ADGRB3: variants seen among roughly 807,000 people sequenced by gnomAD.
ADGRB3 encodes brain-specific angiogenesis inhibitor 3.
In ADGRB3, 37 loss-of-function variants were observed where a neutral mutation model predicts 193.4. The observed-to-expected ratio is 0.19, with a 90% CI of 0.15 to 0.25. The LOEUF is 0.25. Ranked by LOEUF, ADGRB3 falls within the 10% of genes least tolerant of loss-of-function variation. The pLI is 1.00. For missense variants in ADGRB3, 1,637 were observed against 1,852.9 expected (o/e 0.88, Z 2.14); for synonymous variants, 690 against 644.2 (o/e 1.07, Z -1.08).
intron 20 of ADGRB3, among the ~76,000 whole-genome samples, chr6:69,305,728 A>G (rs1768054849): frequency 6.6e-6 from 1 of 151,274 alleles, no homozygotes; most frequent in African/African-American, 2.4e-5. Context: ...GAAATAATCC[A>G]CACTGGGCTC....
At chr6:68,723,883 C>T (rs1765627775) in intron 3 of ADGRB3, among the ~76,000 whole-genome samples, 2 of 151,480 alleles carry the variant, frequency 1.3e-5, no homozygotes, top group Admixed American at 1.3e-4. Context: ...ATTTGAGTGT[C>T]AGTATCTAAG....
chr6:69,108,386 TG>T (rs1286638277), intron 17 of ADGRB3, among the ~76,000 whole-genome samples: 4 of 115,734 alleles, frequency 3.5e-5, no homozygotes, highest in East Asian at 1.0e-3. Context: ...GCAAGCTTCT[TG>T]TTTTTTTTTT....
chr6:69,054,827 C>A (rs1295660614), intron 15 of ADGRB3, among the ~76,000 whole-genome samples: 2 of 152,072 alleles, frequency 1.3e-5, no homozygotes, highest in African/African-American at 2.4e-5. Context: ...CAGCTGTCAA[C>A]TGATTTTAGT....
intron 23 of ADGRB3, chr6:69,332,125 A>G: frequency 2.0e-6 from 2 of 985,402 alleles, no homozygotes; most frequent in Non-Finnish European, 2.4e-6. Context: ...TTGATCAGAA[A>G]GTGTTGGTAG....
At chr6:69,068,386 TTTAA>T (rs1292747022) in intron 16 of ADGRB3, among the ~76,000 whole-genome samples, 3 of 152,218 alleles carry the variant, frequency 2.0e-5, no homozygotes, top group Non-Finnish European at 4.4e-5. Flanking sequence ...AATCTAGTTA[TTTAA>T]TTAATCTATT....
intron 17 of ADGRB3, among the ~76,000 whole-genome samples, chr6:69,163,147 A>G (rs1561939003): frequency 6.6e-6 from 1 of 152,068 alleles, no homozygotes; most frequent in Non-Finnish European, 1.5e-5. Context: ...AATCATCTCA[A>G]AGAGAGAGAA....
intron 3 of ADGRB3, among the ~76,000 whole-genome samples, chr6:68,648,743 A>G (rs1160567942): frequency 1.3e-5 from 2 of 148,942 alleles, no homozygotes; most frequent in Non-Finnish European, 3.0e-5. Flanking sequence ...ATTTCATGAC[A>G]TTTCTCCTGG....
chr6:69,185,766 C>T (rs950776148), intron 17 of ADGRB3, among the ~76,000 whole-genome samples: 12 of 152,128 alleles, frequency 7.9e-5, no homozygotes, highest in Non-Finnish European at 1.6e-4. Context: ...GCAAAGTATA[C>T]ATGATGACTT....
At chr6:69,340,156 A>G (rs1241589295) in intron 26 of ADGRB3, among the ~76,000 whole-genome samples, 1 of 152,206 alleles carries the variant, frequency 6.6e-6, no homozygotes, top group Non-Finnish European at 1.5e-5. Flanking sequence ...TCTCTGGATC[A>G]TGATTGAGGT....
At chr6:68,679,855 A>T (rs928160036) in intron 3 of ADGRB3, among the ~76,000 whole-genome samples, 15 of 152,226 alleles carry the variant, frequency 9.9e-5, no homozygotes, top group African/African-American at 3.6e-4. Flanking sequence ...CACTTAAAAA[A>T]TAGTCAAATA....
intron 20 of ADGRB3, among the ~76,000 whole-genome samples, chr6:69,297,404 C>CTATA (rs1210023821): frequency 4.8e-5 from 7 of 144,902 alleles, no homozygotes; most frequent in African/African-American, 7.8e-5. Context: ...CTCTCTCTCT[C>CTATA]TCTCTCTATA....
chr6:69,347,927 G>A (rs984840727), intron 26 of ADGRB3, among the ~76,000 whole-genome samples: 1 of 152,148 alleles, frequency 6.6e-6, no homozygotes, highest in Admixed American at 6.5e-5. Flanking sequence ...ACACAGGCAA[G>A]GACAATATGC....
At chr6:68,731,645 CAT>C (rs1287066377) in intron 3 of ADGRB3, among the ~76,000 whole-genome samples, 2 of 151,410 alleles carry the variant, frequency 1.3e-5, no homozygotes, top group African/African-American at 2.4e-5. Context: ...TAGTCACAAA[CAT>C]AGTTTAAAAC....
intron 3 of ADGRB3, among the ~76,000 whole-genome samples, chr6:68,727,437 A>G (rs1238217842): frequency 6.6e-6 from 1 of 151,638 alleles, no homozygotes; most frequent in East Asian, 1.9e-4. Context: ...AATTGCACCA[A>G]AATGTGATCA....
rs188358351 is a variant in ADGRB3 at position 69,103,436 on chromosome 6, T to G, written c.2480+27398T>G. Among the ~76,000 whole-genome samples, 351 of 152,300 alleles carry G rather than the reference T, an allele frequency of 2.3e-3. 10 individuals are homozygous for G. The highest frequency in any genetic ancestry group is 0.02 in the Admixed American group (302 of 15,292). On this transcript the variant is annotated intron_variant, in intron 17 of 31. Transcript: ENST00000370598. ...ATTTTTGTAGATTTAATTATGTATG[T>G]CATAACTAGAGTATGCCAACTTTCT...
chr6:69,042,740 A>T (rs633787), intron 13 of ADGRB3, among the ~76,000 whole-genome samples: 3,971 of 152,322 alleles, frequency 0.026, 68 homozygotes, highest in Non-Finnish European at 0.041. Context: ...AAGCAATTCC[A>T]TTTTGATAAC....
At chr6:69,369,357 C>A (rs928271596) in intron 29 of ADGRB3, among the ~76,000 whole-genome samples, 11 of 152,210 alleles carry the variant, frequency 7.2e-5, no homozygotes, top group African/African-American at 2.6e-4. Context: ...ATTGAATGTT[C>A]TTATTCTTTC....
At chr6:68,855,372 C>T (rs952973400) in intron 3 of ADGRB3, among the ~76,000 whole-genome samples, 18 of 152,038 alleles carry the variant, frequency 1.2e-4, no homozygotes, top group African/African-American at 4.1e-4. Context: ...CTTTGTGATC[C>T]ATAAAATTAA....
chr6:68,944,026 A>G, intron 6 of ADGRB3, 32 bp downstream of exon 6: 1 of 1,571,130 alleles, frequency 6.4e-7, no homozygotes, highest in Non-Finnish European at 8.7e-7. Flanking sequence ...TTATGTTTGC[A>G]TTATGTGCTT....
Sources: gnomAD v4.1 joint callset for allele counts (sites outside exome capture counted in the v4.1 genomes callset) on GRCh38, gnomAD v4.1.1 for gene constraint, MANE v1.5 for transcripts, NCBI Gene and HGNC (gene_info 2026-07-23, HGNC 2026-07-21) for gene names.